The following LAMA2 variants were observed in gnomAD, a reference collection of about 807,000 sequenced individuals.
LAMA2 encodes the protein laminin subunit alpha-2.
In LAMA2, 269 loss-of-function variants were observed where a neutral mutation model predicts 364.8. That is an observed-to-expected ratio of 0.74 (90% CI 0.67 to 0.82). The LOEUF is 0.82. Ranked by LOEUF, LAMA2 falls within the 40% of genes least tolerant of loss-of-function variation. The probability of loss-of-function intolerance (pLI) is 0.00; values close to 1 mark genes in which losing one functional copy is unlikely to be tolerated. For missense variants in LAMA2, 3,807 were observed against 3,873.2 expected (o/e 0.98, Z 0.45); for synonymous variants, 1,379 against 1,370.6 (o/e 1.01, Z -0.14).
chr6:129,263,397 A>G (rs988436630), intron 15 of LAMA2, among the ~76,000 whole-genome samples: 1 of 152,172 alleles, frequency 6.6e-6, no homozygotes, highest in Non-Finnish European at 1.5e-5. Context: ...TGGTTGTATG[A>G]AGGTTAGAAA....
intron 63 of LAMA2, among the ~76,000 whole-genome samples, chr6:129,512,882 C>T (rs1786715034): frequency 6.6e-6 from 1 of 152,124 alleles, no homozygotes; most frequent in Admixed American, 6.6e-5. Context: ...ATTAGTCTGC[C>T]TCTTTTAACA....
intron 42 of LAMA2, among the ~76,000 whole-genome samples, chr6:129,439,067 C>CCG (rs980306838): frequency 1.4e-5 from 2 of 139,338 alleles, no homozygotes; most frequent in African/African-American, 3.1e-5. Context: ...GGTTCCAGGA[C>CCG]CCCCCCCCAC....
intron 32 of LAMA2, among the ~76,000 whole-genome samples, chr6:129,361,783 CTTT>C (rs66805881): frequency 1.1e-4 from 13 of 121,080 alleles, no homozygotes; most frequent in African/African-American, 3.4e-4. Flanking sequence ...TAACAGTAAC[CTTT>C]TTTTTTTTTT....
At chr6:128,938,517 T>A (rs545057727) in intron 1 of LAMA2, among the ~76,000 whole-genome samples, 1 of 152,252 alleles carries the variant, frequency 6.6e-6, no homozygotes, top group South Asian at 2.1e-4. Flanking sequence ...TAGGCAAACA[T>A]AAGATTTTTT....
intron 3 of LAMA2, among the ~76,000 whole-genome samples, chr6:129,064,255 T>C (rs551474082): frequency 6.7e-6 from 1 of 148,868 alleles, no homozygotes; most frequent in Non-Finnish European, 1.5e-5. Flanking sequence ...CTAACACTGA[T>C]AAGAAGAAGC....
chr6:129,096,233 T>C (rs1319053801), intron 3 of LAMA2, among the ~76,000 whole-genome samples: 1 of 152,238 alleles, frequency 6.6e-6, no homozygotes, highest in Non-Finnish European at 1.5e-5. Flanking sequence ...CAAATATCTT[T>C]TATAGTGGTT....
intron 55 of LAMA2, among the ~76,000 whole-genome samples, chr6:129,485,731 AAATT>A (rs1446834778): frequency 6.6e-6 from 1 of 152,148 alleles, no homozygotes; most frequent in Non-Finnish European, 1.5e-5. Flanking sequence ...ATGATTTAGT[AAATT>A]ATTGGAACAT....
chr6:129,102,360 C>A (rs1462093953), intron 4 of LAMA2, among the ~76,000 whole-genome samples: 1 of 151,992 alleles, frequency 6.6e-6, no homozygotes, highest in African/African-American at 2.4e-5. Flanking sequence ...TGGTCTCGAT[C>A]TCTTGACCTC....
At chr6:129,456,903 A>G (rs1188265202) in intron 48 of LAMA2, among the ~76,000 whole-genome samples, 1 of 152,210 alleles carries the variant, frequency 6.6e-6, no homozygotes, top group African/African-American at 2.4e-5. Context: ...ATATCACAGG[A>G]GCTATAAGCT....
intron 9 of LAMA2, among the ~76,000 whole-genome samples, chr6:129,168,204 A>G (rs2114997991): frequency 6.7e-6 from 1 of 148,744 alleles, no homozygotes; most frequent in Middle Eastern, 3.4e-3. Context: ...TTTTGTTGCC[A>G]TTGCTTTTGG....
At chr6:129,222,057 T>C (rs1390363503) in intron 12 of LAMA2, among the ~76,000 whole-genome samples, 1 of 152,212 alleles carries the variant, frequency 6.6e-6, no homozygotes, top group Non-Finnish European at 1.5e-5. Context: ...AAATTCAGCA[T>C]GTCAGGGTTA....
chr6:129,314,166 C>T (rs1317162618), intron 23 of LAMA2, among the ~76,000 whole-genome samples: 2 of 152,066 alleles, frequency 1.3e-5, no homozygotes, highest in African/African-American at 4.8e-5. Context: ...TTTGGGAGGC[C>T]GAGGCGGGCG....
intron 1 of LAMA2, among the ~76,000 whole-genome samples, chr6:128,900,333 A>C (rs1198319413): frequency 6.6e-6 from 1 of 152,158 alleles, no homozygotes. Context: ...GGGACAAGAA[A>C]AGACCTTTGA....
At position 129,402,439 on chromosome 6, in the gene LAMA2, C is replaced by T. The variant is rs192672030; in HGVS notation, c.5678C>T (p.Ala1893Val). The T allele has an allele frequency of 1.2e-6, 2 of 1,614,128 alleles. No individual in the cohort carries two copies. The highest frequency in any genetic ancestry group is 1.3e-5 in the African/African-American group (1 of 75,028). ...DRKLAEKVSQAESHAAQLNDS... is the reference protein window; with the variant it reads ...DRKLAEKVSQVESHAAQLNDS... ...AAGCTTGCTGAGAAGGTGTCCCAGGCTGAGAGCCACGCAGCTCAGTTGAAT... is the reference window on the plus strand; with the variant it reads ...AAGCTTGCTGAGAAGGTGTCCCAGGTTGAGAGCCACGCAGCTCAGTTGAAT... Residue 1893 changes from alanine to valine, a missense_variant, in exon 39 of 65, where the codon GCT becomes GTT. By Grantham distance (64) the Ala-to-Val change is moderately conservative. Around this residue, in one of 3 missense-constraint regions of LAMA2, gnomAD observed 3,333 missense variants for 3,345.7 expected, o/e 1.00. Transcript: ENST00000421865.
intron 35 of LAMA2, among the ~76,000 whole-genome samples, chr6:129,388,243 A>G (rs749261603): frequency 4.2e-4 from 61 of 146,864 alleles, no homozygotes; most frequent in Non-Finnish European, 7.3e-4. Context: ...GCAACAGAGC[A>G]AGACTCCATC....
chr6:129,453,857 A>G (rs1430693675), intron 46 of LAMA2, among the ~76,000 whole-genome samples: 1 of 151,986 alleles, frequency 6.6e-6, no homozygotes, highest in African/African-American at 2.4e-5. Context: ...TATCTTTACC[A>G]CAAGTATCAG....
At chr6:129,069,099 T>C (rs1261359733) in intron 3 of LAMA2, among the ~76,000 whole-genome samples, 1 of 152,052 alleles carries the variant, frequency 6.6e-6, no homozygotes, top group Non-Finnish European at 1.5e-5. Flanking sequence ...ATAAATTAGA[T>C]GATTGTTTAT....
intron 1 of LAMA2, among the ~76,000 whole-genome samples, chr6:129,015,430 G>A (rs866663662): frequency 2.0e-5 from 3 of 152,106 alleles, no homozygotes; most frequent in Non-Finnish European, 2.9e-5. Flanking sequence ...TGGATTGTAA[G>A]AGTGTTTTGA....
rs1327388367 is a variant in LAMA2, at chr6:129,416,097, C to T, written c.5866-11655C>T. On this transcript the variant is annotated intron_variant, in intron 40 of 64. Coordinates refer to ENST00000421865, the MANE Select transcript of LAMA2 (RefSeq NM_000426.4). ...CCAAGTAGCTGGGACTACAGGCGCC[C>T]GCCACTACGCCCGGCTAATTTTTTT... Among the ~76,000 whole-genome samples the T allele has an allele frequency of 1.9e-4, 18 of 96,234 alleles. 8 individuals are homozygous for T. Among genetic ancestry groups the T allele is most frequent in the African/African-American group, 8.8e-4 (18 of 20,426 alleles). The allele number at this position is 96,234 out of a possible 152,430, so 63.1% of individuals were successfully genotyped here. A position where few individuals can be genotyped will look rare whatever the true frequency, so the allele number is the denominator to read the frequency against.
Sources: allele counts gnomAD v4.1 joint callset (sites outside exome capture counted in the v4.1 genomes callset), GRCh38; gene constraint gnomAD v4.1.1; regional missense constraint gnomAD v4.1.1; transcripts MANE v1.5; gene names NCBI Gene and HGNC (gene_info 2026-07-23, HGNC 2026-07-21).